Variants in CLSTN2 observed in about 807,000 individuals in gnomAD.
CLSTN2 encodes calsyntenin-2.
Under a neutral mutation model 101.2 loss-of-function variants are expected in CLSTN2, and 48 were observed. The observed-to-expected ratio is 0.47, with a 90% CI of 0.38 to 0.60. The LOEUF is 0.60. Ranked by LOEUF, CLSTN2 falls within the 20% of genes least tolerant of loss-of-function variation. CLSTN2 has a pLI of 0.00. For missense variants in CLSTN2, 1,160 were observed against 1,238.2 expected, an observed-to-expected ratio of 0.94 and a Z score of 0.95; for synonymous variants, 481 against 463.6, an observed-to-expected ratio of 1.04 and a Z score of -0.48.
intron 2 of CLSTN2, among the ~76,000 whole-genome samples, chr3:140,203,797 C>T (rs1175873208): frequency 6.6e-6 from 1 of 152,056 alleles, no homozygotes; most frequent in African/African-American, 2.4e-5. Context: ...GGAACAATGA[C>T]AGAGGAAGAG....
chr3:140,010,471 G>C (rs2007050242), intron 1 of CLSTN2, among the ~76,000 whole-genome samples: 1 of 152,194 alleles, frequency 6.6e-6, no homozygotes, highest in South Asian at 2.1e-4. Flanking sequence ...TCTCTGATCA[G>C]AGGAATGGCC....
At chr3:139,987,289 C>A (rs1025955825) in intron 1 of CLSTN2, among the ~76,000 whole-genome samples, 1 of 152,152 alleles carries the variant, frequency 6.6e-6, no homozygotes, top group African/African-American at 2.4e-5. Context: ...AATGTTTATA[C>A]CCCTGCATTC....
At chr3:140,099,996 T>C (rs2008938031) in intron 1 of CLSTN2, among the ~76,000 whole-genome samples, 1 of 152,200 alleles carries the variant, frequency 6.6e-6, no homozygotes, top group Non-Finnish European at 1.5e-5. Context: ...ATGCTGGATG[T>C]TGGCCATCCT....
intron 1 of CLSTN2, among the ~76,000 whole-genome samples, chr3:139,971,207 T>C (rs974935188): frequency 6.6e-6 from 1 of 152,120 alleles, no homozygotes; most frequent in African/African-American, 2.4e-5. Context: ...TTATGAGGGA[T>C]ATTGAGGAGC....
intron 2 of CLSTN2, among the ~76,000 whole-genome samples, chr3:140,222,069 G>T (rs941133056): frequency 1.3e-5 from 2 of 151,862 alleles, no homozygotes; most frequent in Non-Finnish European, 2.9e-5. Context: ...AAGCAACCTA[G>T]ATGTCCACCG....
At chr3:140,517,198 C>T (rs1205836393) in intron 8 of CLSTN2, among the ~76,000 whole-genome samples, 1 of 152,106 alleles carries the variant, frequency 6.6e-6, no homozygotes, top group Non-Finnish European at 1.5e-5. Flanking sequence ...TTCACTTATG[C>T]TATCTATTTT....
At chr3:140,125,092 G>A (rs556895071) in intron 1 of CLSTN2, among the ~76,000 whole-genome samples, 101 of 152,202 alleles carry the variant, frequency 6.6e-4, no homozygotes, top group Admixed American at 1.4e-3. Context: ...CATGACATTG[G>A]GGGTCTCAGT....
intron 1 of CLSTN2, among the ~76,000 whole-genome samples, chr3:140,061,653 C>A (rs573144875): frequency 6.6e-6 from 1 of 152,308 alleles, no homozygotes; most frequent in South Asian, 2.1e-4. Flanking sequence ...GGCTCTAAAC[C>A]AAAGATAACT....
intron 1 of CLSTN2, among the ~76,000 whole-genome samples, chr3:140,058,860 G>A (rs565625379): frequency 3.9e-5 from 6 of 152,192 alleles, no homozygotes; most frequent in South Asian, 2.1e-4. Context: ...GGTGTCCTGC[G>A]AAAGGCAGGA....
chr3:140,436,091 T>C (rs570597096), intron 5 of CLSTN2, among the ~76,000 whole-genome samples: 9 of 152,344 alleles, frequency 5.9e-5, no homozygotes, highest in South Asian at 2.1e-4. Flanking sequence ...ATCCCATTTG[T>C]CCATGTTCAC....
At chr3:140,204,868 C>G (rs556301205) in intron 2 of CLSTN2, among the ~76,000 whole-genome samples, 1 of 152,266 alleles carries the variant, frequency 6.6e-6, no homozygotes, top group South Asian at 2.1e-4. Flanking sequence ...CCCGCTGTCC[C>G]CCATTCTGGC....
chr3:140,513,489 G>A (rs1232401196), intron 8 of CLSTN2, among the ~76,000 whole-genome samples: 1 of 151,794 alleles, frequency 6.6e-6, no homozygotes, highest in Non-Finnish European at 1.5e-5. Context: ...GCTTTTAGAT[G>A]TGCTGCTGTA....
At chr3:140,353,086 A>T (rs1469088963) in intron 2 of CLSTN2, among the ~76,000 whole-genome samples, 1 of 152,086 alleles carries the variant, frequency 6.6e-6, no homozygotes, top group African/African-American at 2.4e-5. Context: ...AGTAATCTAG[A>T]GATTACTTAA....
chr3:140,192,201 T>G (rs567984830), intron 2 of CLSTN2, among the ~76,000 whole-genome samples: 1 of 152,054 alleles, frequency 6.6e-6, no homozygotes, highest in South Asian at 2.1e-4. Flanking sequence ...TTTGTATGAT[T>G]TCAGTTTTTT....
rs1468607948 is a variant in CLSTN2 at position 140,459,603 on chromosome 3, T to C, written c.1056T>C (p.Ser352=). The change falls in exon 7 of 17, where the codon AGT becomes AGC. Residue 352 remains serine (S), a synonymous_variant. Transcript: ENST00000458420. ...NWTAGLLVDS[S]EMIFKFDGRQ... ...CTGCAGGACTGCTGGTGGACAGCAG[T>C]GAGATGATCTTCAAGTTTGACGGCA... 6.2e-7 allele frequency: 1 copy of C among 1,614,014 alleles called. No individual in the cohort carries two copies. Among genetic ancestry groups the C allele is most frequent in the South Asian group, 1.1e-5 (1 of 91,068 alleles).
chr3:140,383,835 C>G (rs2088020696), intron 2 of CLSTN2, among the ~76,000 whole-genome samples: 1 of 152,146 alleles, frequency 6.6e-6, no homozygotes, highest in Non-Finnish European at 1.5e-5. Flanking sequence ...CACATTGGCC[C>G]AGTGGGGAAA....
At chr3:140,485,559 G>T (rs992532039) in intron 8 of CLSTN2, among the ~76,000 whole-genome samples, 1 of 152,214 alleles carries the variant, frequency 6.6e-6, no homozygotes, top group Non-Finnish European at 1.5e-5. Context: ...CAGAGGTGGA[G>T]TCTACAGTGG....
At chr3:140,049,775 G>T (rs1403923684) in intron 1 of CLSTN2, among the ~76,000 whole-genome samples, 1 of 152,218 alleles carries the variant, frequency 6.6e-6, no homozygotes, top group African/African-American at 2.4e-5. Flanking sequence ...GGTGATCCCA[G>T]TGACCCCTCA....
intron 13 of CLSTN2, 148 bp from the exon 14 acceptor site, chr3:140,562,663 C>A: frequency 2.5e-6 from 2 of 806,366 alleles, no homozygotes; most frequent in Non-Finnish European, 3.9e-6. Context: ...AACTTCTGCA[C>A]ATTGTCTGCC....
Sources: gnomAD v4.1 joint callset for allele counts (sites outside exome capture counted in the v4.1 genomes callset) on GRCh38, gnomAD v4.1.1 for gene constraint, MANE v1.5 for transcripts, NCBI Gene and HGNC (gene_info 2026-07-23, HGNC 2026-07-21) for gene names.